The following COL27A1 variants were observed in gnomAD, a reference collection of about 807,000 sequenced individuals.
COL27A1 encodes the protein collagen type XXVII alpha 1 chain.
COL27A1 carries 106 observed loss-of-function variants against 251.3 expected under a neutral mutation model. That is an observed-to-expected ratio of 0.42 (90% CI 0.36 to 0.50). COL27A1 has a LOEUF of 0.50. COL27A1 is among the 20% of genes least tolerant of loss of function. COL27A1 has a pLI of 0.00. For synonymous variants in COL27A1, 1,000 were observed against 986.3 expected (o/e 1.01, Z -0.26); for missense variants, 2,325 against 2,522.8 (o/e 0.92, Z 1.68).
intron 19 of COL27A1, among the ~76,000 whole-genome samples, chr9:114,238,736 G>C (rs1260012825): frequency 6.6e-6 from 1 of 152,158 alleles, no homozygotes; most frequent in East Asian, 1.9e-4. Context: ...TGAGAGTCCA[G>C]CTTTCCCAGC....
At chr9:114,259,259 G>A (rs1834152463) in intron 28 of COL27A1, among the ~76,000 whole-genome samples, 2 of 152,134 alleles carry the variant, frequency 1.3e-5, no homozygotes, top group African/African-American at 4.8e-5. Context: ...GGCACCAAGC[G>A]AGGCAGGGCC....
chr9:114,244,980 A>G (rs908183521), intron 23 of COL27A1, among the ~76,000 whole-genome samples: 2 of 151,868 alleles, frequency 1.3e-5, no homozygotes, highest in African/African-American at 4.8e-5. Flanking sequence ...TCCCTTTTTT[A>G]TAGCTGGGGA....
chr9:114,259,474 T>C (rs147442212), intron 28 of COL27A1, among the ~76,000 whole-genome samples: 12 of 149,446 alleles, frequency 8.0e-5, no homozygotes, highest in Non-Finnish European at 1.2e-4. Flanking sequence ...ATTTTATTAT[T>C]GGATTACTTA....
intron 35 of COL27A1, among the ~76,000 whole-genome samples, chr9:114,269,910 C>T (rs1238082741): frequency 1.3e-5 from 2 of 152,124 alleles, no homozygotes; most frequent in African/African-American, 2.4e-5. Context: ...CTCTGAACAG[C>T]GATGAATTCT....
At chr9:114,187,408 C>T (rs1028938050) in intron 5 of COL27A1, among the ~76,000 whole-genome samples, 5 of 152,260 alleles carry the variant, frequency 3.3e-5, no homozygotes, top group African/African-American at 4.8e-5. Flanking sequence ...TTTGAGCAAC[C>T]TTTGGGCCAG....
chr9:114,186,871 G>A (rs886975587), intron 5 of COL27A1, among the ~76,000 whole-genome samples: 1 of 152,222 alleles, frequency 6.6e-6, no homozygotes, highest in Non-Finnish European at 1.5e-5. Context: ...AGTCAGGTGG[G>A]ATGCAGGTCC....
In COL27A1 at chr9:114,292,167, G is replaced by T. The variant is rs1476286598; in HGVS notation, c.4541G>T (p.Gly1514Val). 1 of 1,560,314 alleles carries T rather than the reference G, an allele frequency of 6.4e-7. No homozygotes were observed. ...PGKRGTEGRT[G>V]LPGNQGEPGS... The stretch of plus-strand genomic sequence containing the variant: ...AAGCGAGGAACAGAGGGCAGAACGG[G>T]GCTCCCTGGAAACCAGGGGGAGCCT... Residue 1514 changes from glycine to valine, a missense_variant, in exon 49 of 61, where the codon GGG (glycine) becomes GTG (valine). Around this residue, in one of 4 missense-constraint regions of COL27A1, gnomAD observed 153 missense variants for 140.7 expected, o/e 1.09. Coordinates refer to ENST00000356083, the MANE Select transcript of COL27A1 (RefSeq NM_032888.4).
chr9:114,262,528 G>T (rs1427161087), intron 28 of COL27A1, among the ~76,000 whole-genome samples: 1 of 152,220 alleles, frequency 6.6e-6, no homozygotes, highest in Non-Finnish European at 1.5e-5. Context: ...GCAGAGCCTG[G>T]CAGGGATGGA....
rs753121744 is a variant in COL27A1, at chr9:114,155,986, A to AGCGGCG, written c.49_54dup (p.Ala17_Ala18dup). The AGCGGCG allele has an allele frequency of 9.3e-6, 12 of 1,290,764 alleles. No homozygotes were observed. The highest frequency in any genetic ancestry group is 9.2e-5 in the African/African-American group (6 of 65,334). The allele number at this position is 1,290,764 out of a possible 1,614,324, so 80.0% of individuals were successfully genotyped here. On this transcript the variant is annotated inframe_insertion, in exon 1 of 61. Transcript: ENST00000356083. The surrounding 1 kb of genome is among the most constrained non-coding windows in gnomAD (Gnocchi z 5.5). ...GATCGGCGCGGGGGGCCCGAGGCAC[A>AGCGGCG]GCGGCGGCGGCGGCGGCGCGCGGGG...
At chr9:114,243,033 A>T (rs745814797) in intron 22 of COL27A1, among the ~76,000 whole-genome samples, 1 of 152,202 alleles carries the variant, frequency 6.6e-6, no homozygotes, top group African/African-American at 2.4e-5. Context: ...CCTCGGGAAG[A>T]TGCCACTTAA....
chr9:114,203,845 G>A (rs1173555028), intron 7 of COL27A1, among the ~76,000 whole-genome samples: 5 of 152,152 alleles, frequency 3.3e-5, no homozygotes, highest in Non-Finnish European at 5.9e-5. Context: ...ATGTCAGAAG[G>A]ATCTGGTAGT....
chr9:114,176,541 G>A (rs868860712), intron 3 of COL27A1, among the ~76,000 whole-genome samples: 1 of 131,436 alleles, frequency 7.6e-6, no homozygotes, highest in East Asian at 2.1e-4. Flanking sequence ...GTAGGTGGGT[G>A]GGGGGGGGTG....
intron 2 of COL27A1, among the ~76,000 whole-genome samples, chr9:114,167,376 G>T (rs1848957907): frequency 6.6e-6 from 1 of 152,198 alleles, no homozygotes; most frequent in Non-Finnish European, 1.5e-5. Context: ...GGAAAACTGA[G>T]GCACTAAAGT....
chr9:114,266,769 C>T, intron 33 of COL27A1, 151 bp downstream of exon 33: 2 of 670,478 alleles, frequency 3.0e-6, no homozygotes, highest in Non-Finnish European at 5.1e-6. Context: ...AGGGTGGACG[C>T]CCTGGCAGAG....
chr9:114,300,042 G>T, intron 49 of COL27A1, 28 bp from the exon 50 acceptor site: 6 of 1,613,390 alleles, frequency 3.7e-6, no homozygotes, highest in East Asian at 2.2e-5. Flanking sequence ...GAGCTCACTC[G>T]CTCCATCACT....
intron 41 of COL27A1, among the ~76,000 whole-genome samples, chr9:114,287,728 T>C (rs1207679226): frequency 2.0e-5 from 3 of 152,070 alleles, no homozygotes; most frequent in African/African-American, 4.8e-5. Context: ...ACAGCCCCCA[T>C]GCTGACTGGC....
intron 1 of COL27A1, among the ~76,000 whole-genome samples, chr9:114,161,445 G>T (rs974307848): frequency 6.6e-6 from 1 of 152,116 alleles, no homozygotes; most frequent in Non-Finnish European, 1.5e-5. Flanking sequence ...GGATGCTGTG[G>T]GCATGTAATC....
chr9:114,181,299 G>T (rs1827894686), intron 4 of COL27A1, among the ~76,000 whole-genome samples: 1 of 152,136 alleles, frequency 6.6e-6, no homozygotes, highest in Non-Finnish European at 1.5e-5. Context: ...TGGAAGGAGG[G>T]TCACAAGAGG....
chr9:114,180,596 C>T (rs1203194323), intron 4 of COL27A1, among the ~76,000 whole-genome samples: 1 of 152,208 alleles, frequency 6.6e-6, no homozygotes, highest in African/African-American at 2.4e-5. Context: ...CCCAGCTCCT[C>T]TCTGCACAGA....
Sources: gnomAD v4.1 joint callset for allele counts (sites outside exome capture counted in the v4.1 genomes callset) on GRCh38, gnomAD v4.1.1 for gene constraint, gnomAD v4.1.1 regional missense constraint, Gnocchi (gnomAD v3.1) non-coding constraint, MANE v1.5 for transcripts, NCBI Gene and HGNC (gene_info 2026-07-23, HGNC 2026-07-21) for gene names.